The following GPAM variants were observed in gnomAD, a reference collection of about 807,000 sequenced individuals.
GPAM encodes the protein glycerol-3-phosphate acyltransferase, mitochondrial.
Under a neutral mutation model 105.0 loss-of-function variants are expected in GPAM, and 56 were observed. The observed-to-expected ratio is 0.53, with a 90% CI of 0.43 to 0.67. GPAM has a LOEUF of 0.67. Ranked by LOEUF, GPAM falls within the 30% of genes least tolerant of loss-of-function variation. The probability of loss-of-function intolerance (pLI) is 0.00; values close to 1 mark genes in which losing one functional copy is unlikely to be tolerated. For missense variants in GPAM, 855 were observed against 989.8 expected (o/e 0.86, Z 1.83); for synonymous variants, 368 against 354.4 (o/e 1.04, Z -0.43).
intron 14 of GPAM, among the ~76,000 whole-genome samples, chr10:112,162,104 C>G (rs1847134878): frequency 6.6e-6 from 1 of 152,222 alleles, no homozygotes. Context: ...CTTGCTCCCA[C>G]CTACAGTCTA....
chr10:112,209,139 T>C (rs1847883098), intron 1 of GPAM, among the ~76,000 whole-genome samples: 1 of 152,196 alleles, frequency 6.6e-6, no homozygotes, highest in East Asian at 1.9e-4. Context: ...AAATTGCCTG[T>C]TGAATTACCA....
chr10:112,183,068 G>T (rs574598659), intron 1 of GPAM, among the ~76,000 whole-genome samples, 177 bp from the exon 2 acceptor site: 3 of 152,356 alleles, frequency 2.0e-5, no homozygotes, highest in South Asian at 4.1e-4. Context: ...AAGCTGACTA[G>T]AGGATCTGAA....
intron 1 of GPAM, among the ~76,000 whole-genome samples, chr10:112,207,956 A>C (rs932934888): frequency 5.3e-5 from 8 of 152,252 alleles, no homozygotes; most frequent in Non-Finnish European, 1.0e-4. Flanking sequence ...TGTTTAACAC[A>C]GGAACATTCA....
chr10:112,200,252 G>T lies in GPAM; in HGVS notation n.210+14916C>A, dbSNP rs1182229991. Among the ~76,000 whole-genome samples the T allele has an allele frequency of 5.7e-4, 83 of 145,300 alleles. 1 individual carries two copies. The highest frequency in any genetic ancestry group is 1.4e-3 in the East Asian group (7 of 4,976). ...GTATATATATATATATATAGAGAGAGAGAGAGAGAGAGAGAGAATAGTTTT... is the reference window on the plus strand; with the variant it reads ...GTATATATATATATATATAGAGAGATAGAGAGAGAGAGAGAGAATAGTTTT... On this transcript the variant is annotated intron_variant and non_coding_transcript_variant, in intron 1 of 3. Coordinates refer to the GPAM transcript ENST00000480130.
At chr10:112,190,567 C>T (rs1421348433) in intron 1 of GPAM, among the ~76,000 whole-genome samples, 1 of 151,436 alleles carries the variant, frequency 6.6e-6, no homozygotes, top group Admixed American at 6.6e-5. Flanking sequence ...CTCTGACTTA[C>T]TTTTACCACA....
Position 112,153,343 on chromosome 10 carries a change from C to G in GPAM, c.*207G>C. On this transcript the variant is annotated 3_prime_UTR_variant, in exon 22 of 22. Transcript: ENST00000348367. Reference sequence around the variant, plus strand: ...GTTGCGAATAGAGGCTGAGGTCCCCCCAAGTGTTATCTGCAGGCTGCTGTG... The same window carrying G: ...GTTGCGAATAGAGGCTGAGGTCCCCGCAAGTGTTATCTGCAGGCTGCTGTG... 1 of 1,479,056 alleles carries G rather than the reference C, an allele frequency of 6.8e-7. No individual in the cohort carries two copies. Among genetic ancestry groups the G allele is most frequent in the Non-Finnish European group, 8.9e-7 (1 of 1,120,176 alleles). The allele number at this position is 1,479,056 out of a possible 1,614,324, so 91.6% of individuals were successfully genotyped here.
At chr10:112,188,323 A>T (rs1847618575), upstream of GPAM, among the ~76,000 whole-genome samples, 1 of 152,214 alleles carries the variant, frequency 6.6e-6, no homozygotes, top group Admixed American at 6.5e-5. Context: ...GACACACATT[A>T]TTGATATTAG....
At chr10:112,173,165 A>T in intron 7 of GPAM, 99 bp from the exon 8 acceptor site, 1 of 750,392 alleles carries the variant, frequency 1.3e-6, no homozygotes, top group South Asian at 1.4e-5. Flanking sequence ...AAATTTATGG[A>T]CCTACAACCT....
chr10:112,209,972 G>A (rs957441538), intron 1 of GPAM, among the ~76,000 whole-genome samples: 5 of 152,318 alleles, frequency 3.3e-5, no homozygotes, highest in South Asian at 2.1e-4. Context: ...CAGGCAAGGC[G>A]GACAGGGTAG....
intron 17 of GPAM, among the ~76,000 whole-genome samples, 193 bp downstream of exon 17, chr10:112,159,718 G>A (rs947844473): frequency 1.3e-5 from 2 of 152,234 alleles, no homozygotes; most frequent in African/African-American, 2.4e-5. Flanking sequence ...GATAGATTCA[G>A]TGGAGCAGTG....
chr10:112,207,099 G>T (rs1038161371), intron 1 of GPAM, among the ~76,000 whole-genome samples: 1 of 152,208 alleles, frequency 6.6e-6, no homozygotes. Context: ...TTCTCAACCA[G>T]AGGTGATTTT....
At chr10:112,208,241 C>G (rs1363682787) in intron 1 of GPAM, among the ~76,000 whole-genome samples, 4 of 152,230 alleles carry the variant, frequency 2.6e-5, no homozygotes, top group African/African-American at 9.6e-5. Flanking sequence ...AGTCTCTAAG[C>G]TGCATCTAAG....
rs1589595717 is a variant in GPAM at position 112,178,114 on chromosome 10, G to A, written c.226-57C>T. The A allele has an allele frequency of 4.6e-6, 4 of 869,216 alleles. No homozygotes were observed. In the East Asian group the frequency reaches 7.2e-5, roughly 16 times the overall value. The allele number at this position is 869,216 out of a possible 1,614,324, so 53.8% of individuals were successfully genotyped here. A position where few individuals can be genotyped will look rare whatever the true frequency, so the allele number is the denominator to read the frequency against. On this transcript the variant is annotated intron_variant, in intron 4 of 21. Transcript: ENST00000348367. ...TACACAACTAGATTGACGGTGAAGA[G>A]CTCTCATTATGAGTTCTTGATAACT... is the stretch of plus-strand genomic sequence containing the variant.
intron 10 of GPAM, 128 bp downstream of exon 10, chr10:112,168,725 A>G: frequency 1.3e-6 from 1 of 769,222 alleles, no homozygotes; most frequent in Non-Finnish European, 2.3e-6. Flanking sequence ...AAATTACCAA[A>G]CTCAAGCAAT....
chr10:112,227,416 C>T, the GPAM span, among the ~76,000 whole-genome samples: 1 of 152,236 alleles, frequency 6.6e-6, no homozygotes, highest in Non-Finnish European at 1.5e-5. Flanking sequence ...TCCTGCTCTG[C>T]CCTCTCCTGG....
intron 1 of GPAM, among the ~76,000 whole-genome samples, chr10:112,210,482 C>A (rs999924047): frequency 6.6e-6 from 1 of 152,190 alleles, no homozygotes; most frequent in Non-Finnish European, 1.5e-5. Flanking sequence ...GGAGGTCTCA[C>A]TAAGCCCCAT....
At chr10:112,194,741 AG>A (rs1469138017) in intron 1 of GPAM, among the ~76,000 whole-genome samples, 1 of 152,130 alleles carries the variant, frequency 6.6e-6, no homozygotes, top group East Asian at 1.9e-4. Context: ...AGAGCCAGGC[AG>A]TCTCTCCGCT....
chr10:112,154,537 G>T (rs867986988), intron 21 of GPAM, 92 bp downstream of exon 21: 20 of 943,194 alleles, frequency 2.1e-5, no homozygotes, highest in Middle Eastern at 2.1e-4. Context: ...TTCTCTCGGG[G>T]TCCACCCCAC....
chr10:112,209,727 T>C (rs1847890394), intron 1 of GPAM, among the ~76,000 whole-genome samples: 1 of 152,204 alleles, frequency 6.6e-6, no homozygotes, highest in Non-Finnish European at 1.5e-5. Context: ...AAAAAAAGAA[T>C]GACACTGTTA....
Sources: gnomAD v4.1 joint callset for allele counts (sites outside exome capture counted in the v4.1 genomes callset) on GRCh38, gnomAD v4.1.1 for gene constraint, MANE v1.5 for transcripts, NCBI Gene and HGNC (gene_info 2026-07-23, HGNC 2026-07-21) for gene names.